Variants in DYNC1LI1 observed in about 807,000 individuals in gnomAD.
The protein encoded by DYNC1LI1 is cytoplasmic dynein 1 light intermediate chain 1.
Under a neutral mutation model 63.8 loss-of-function variants are expected in DYNC1LI1, and 19 were observed. The ratio of observed to expected loss-of-function variants is 0.30; its 90% CI spans 0.21 to 0.44. The LOEUF is 0.44. DYNC1LI1 is among the 20% of genes least tolerant of loss of function. The pLI is 1.00. For missense variants in DYNC1LI1, 565 were observed against 630.2 expected (o/e 0.90, Z 1.11); for synonymous variants, 225 against 232.3 (o/e 0.97, Z 0.28).
Position 32,532,904 on chromosome 3 carries a change from TC to T in DYNC1LI1, c.1080+81del, listed in dbSNP as rs1697721176. ...AGATGGAAAAGGACATTTTTGCCTT[TC>T]TACATTTAATTTTAAAGTATGGAAT... On this transcript the variant is annotated intron_variant, in intron 8 of 12. Transcript: ENST00000273130. The T allele has an allele frequency of 2.1e-6, 3 of 1,425,974 alleles. No homozygotes were observed. The African/African-American group carries it at 4.4e-5, about 21-fold the overall frequency. 88.3% of individuals were successfully genotyped at this position (1,425,974 alleles called of 1,614,324 possible).
chr3:32,541,266 G>A, intron 4 of DYNC1LI1, 60 bp from the exon 5 acceptor site: 1 of 1,129,998 alleles, frequency 8.8e-7, no homozygotes, highest in Non-Finnish European at 1.3e-6. Flanking sequence ...AACTTTTCTT[G>A]CCATAATCTA....
chr3:32,555,295 TC>T (rs1356780996), intron 2 of DYNC1LI1, among the ~76,000 whole-genome samples: 3 of 152,240 alleles, frequency 2.0e-5, no homozygotes, highest in African/African-American at 7.2e-5. Context: ...GCTTTCACTT[TC>T]TTTACACCTA....
At chr3:32,544,107 G>C (rs1697919511) in intron 4 of DYNC1LI1, among the ~76,000 whole-genome samples, 1 of 151,970 alleles carries the variant, frequency 6.6e-6, no homozygotes, top group African/African-American at 2.4e-5. Flanking sequence ...CAACCTGTTA[G>C]AAATGACTCA....
At chr3:32,548,537 G>C (rs1168076020) in intron 2 of DYNC1LI1, among the ~76,000 whole-genome samples, 1 of 152,154 alleles carries the variant, frequency 6.6e-6, no homozygotes, top group African/African-American at 2.4e-5. Flanking sequence ...ACCTTAAAAA[G>C]TTGATCTTAC....
chr3:32,534,533 C>A lies in DYNC1LI1; in HGVS notation c.946G>T (p.Val316Leu). The change falls in exon 7 of 13, where the codon GTG becomes TTG. Residue 316 changes from valine to leucine, a missense_variant. Transcript: ENST00000273130. ...GFPYKIPAVVVEKDAVFIPAG... is the reference protein window; with the variant it reads ...GFPYKIPAVVLEKDAVFIPAG... ...TACATAAATACTGCATCCTTTTCCACAACAACAGCAGGAATCTTATAGGGA... is the reference window on the plus strand; with the variant it reads ...TACATAAATACTGCATCCTTTTCCAAAACAACAGCAGGAATCTTATAGGGA... 6.3e-7 allele frequency: 1 copy of A among 1,590,894 alleles called. No individual in the cohort carries two copies. Among genetic ancestry groups the A allele is most frequent in the East Asian group, 2.2e-5 (1 of 44,578 alleles).
chr3:32,537,971 T>TAA (rs58724831), intron 5 of DYNC1LI1, among the ~76,000 whole-genome samples: 1 of 34,890 alleles, frequency 2.9e-5, no homozygotes, highest in Admixed American at 5.2e-4. Context: ...AATATATATA[T>TAA]ATTTATATAT....
chr3:32,536,202 T>A (rs1174144246), intron 6 of DYNC1LI1, among the ~76,000 whole-genome samples: 1 of 152,224 alleles, frequency 6.6e-6, no homozygotes, highest in East Asian at 1.9e-4. Flanking sequence ...AAATGATTTA[T>A]AATTTGTAGA....
chr3:32,538,007 TAA>T lies in DYNC1LI1; in HGVS notation c.739-905_739-904del, dbSNP rs1491509963. On this transcript the variant is annotated intron_variant, in intron 5 of 12. Transcript: ENST00000273130. ...AATATATATATATAATTTATATATA[TAA>T]TATATATATATAATTTATATATATA... 2.4e-3 allele frequency among the ~76,000 whole-genome samples: 97 copies of T among 39,684 alleles called. 6 individuals carry two copies. The highest frequency in any genetic ancestry group is 3.1e-3 in the Non-Finnish European group (82 of 26,188). The allele number at this position is 39,684 out of a possible 152,430, so 26.0% of individuals were successfully genotyped here.
chr3:32,546,641 T>C (rs1165811376), intron 2 of DYNC1LI1, among the ~76,000 whole-genome samples: 1 of 152,072 alleles, frequency 6.6e-6, no homozygotes, highest in Non-Finnish European at 1.5e-5. Flanking sequence ...CTGAAGAACC[T>C]CAGGTAAAGA....
chr3:32,557,744 C>A (rs9867284), intron 2 of DYNC1LI1, among the ~76,000 whole-genome samples: 24,448 of 151,826 alleles, frequency 0.16, 2,291 homozygotes, highest in African/African-American at 0.26. Context: ...AAGGGGTTTC[C>A]AACGATACTT....
At chr3:32,542,197 C>T (rs1697891280) in intron 4 of DYNC1LI1, among the ~76,000 whole-genome samples, 1 of 152,052 alleles carries the variant, frequency 6.6e-6, no homozygotes, top group Admixed American at 6.5e-5. Context: ...CTCACTACAG[C>T]CCTGACCCAA....
intron 3 of DYNC1LI1, chr3:32,545,420 CAGAT>C: frequency 7.5e-6 from 3 of 398,874 alleles, no homozygotes; most frequent in Non-Finnish European, 1.4e-5. Context: ...TTACCATCAG[CAGAT>C]AGAGATATGC....
At chr3:32,530,132 T>C (rs1303179633) in intron 10 of DYNC1LI1, 152 bp downstream of exon 10, 1 of 705,186 alleles carries the variant, frequency 1.4e-6, no homozygotes, top group East Asian at 2.8e-5. Context: ...AATAGATCTT[T>C]ACACTTTTAA....
intron 2 of DYNC1LI1, among the ~76,000 whole-genome samples, chr3:32,554,863 A>ATTTTTTTT (rs11434502): frequency 1.2e-4 from 13 of 104,716 alleles, no homozygotes; most frequent in East Asian, 2.9e-4. Context: ...AAATTTTTGA[A>ATTTTTTTT]TTTTTTTTTT....
intron 2 of DYNC1LI1, among the ~76,000 whole-genome samples, chr3:32,554,632 A>AAC (rs2125442217): frequency 6.6e-6 from 1 of 152,300 alleles, no homozygotes; most frequent in East Asian, 1.9e-4. Context: ...GCAAGGGTAC[A>AAC]ACTCCCTTTA....
At chr3:32,542,248 C>A (rs945459829) in intron 4 of DYNC1LI1, among the ~76,000 whole-genome samples, 1 of 152,064 alleles carries the variant, frequency 6.6e-6, no homozygotes, top group Admixed American at 6.6e-5. Flanking sequence ...TAGCTACAGG[C>A]ATGTGCCACC....
At chr3:32,542,579 TG>T (rs1697896934) in intron 4 of DYNC1LI1, among the ~76,000 whole-genome samples, 1 of 152,094 alleles carries the variant, frequency 6.6e-6, no homozygotes, top group Non-Finnish European at 1.5e-5. Flanking sequence ...GGCTAATTTT[TG>T]TATTTTTAGA....
chr3:32,545,714 T>C (rs1697943400), intron 3 of DYNC1LI1, 135 bp downstream of exon 3: 5 of 718,752 alleles, frequency 7.0e-6, no homozygotes, highest in Non-Finnish European at 1.2e-5. Flanking sequence ...TGGCTAAACA[T>C]AGCTATTTCT....
rs764390064 is a variant in DYNC1LI1, at chr3:32,570,400, C to T, written c.166G>A (p.Val56Ile). The T allele has an allele frequency of 6.2e-7, 1 of 1,605,492 alleles. No individual in the cohort carries two copies. The highest frequency in any genetic ancestry group is 8.5e-7 in the Non-Finnish European group (1 of 1,177,102). ...AGCTTGGAGCGCGAGCGGGTGGAGA[C>T]CTCGCTGAGGATGCAGGACCTAACG... ...QNLWSCILSE[V>I]STRSRSKLPA... is the part of the protein sequence containing the mutation. Residue 56 changes from valine to isoleucine, a missense_variant, in exon 2 of 13, where the codon GTC becomes ATC. Transcript: ENST00000273130.
Sources: allele counts gnomAD v4.1 joint callset (sites outside exome capture counted in the v4.1 genomes callset), GRCh38; gene constraint gnomAD v4.1.1; transcripts MANE v1.5; gene names NCBI Gene and HGNC (gene_info 2026-07-23, HGNC 2026-07-21).